Variants in TJP3 observed in about 807,000 individuals in gnomAD.
TJP3 encodes the protein tight junction protein ZO-3.
In TJP3, 85 loss-of-function variants were observed where a neutral mutation model predicts 104.2. The observed-to-expected ratio is 0.82, with a 90% CI of 0.68 to 0.98. TJP3 has a LOEUF of 0.98. TJP3 is among the 50% of genes least tolerant of loss of function. The pLI is 0.00. For missense variants in TJP3, 1,367 were observed against 1,322.8 expected (o/e 1.03, Z -0.52); for synonymous variants, 550 against 550.6 (o/e 1.00, Z 0.02).
chr19:3,740,322 C>T (rs1214681181), intron 13 of TJP3, among the ~76,000 whole-genome samples: 7 of 152,102 alleles, frequency 4.6e-5, no homozygotes, highest in Non-Finnish European at 1.0e-4. Context: ...GCAGGAGAAT[C>T]GCCTGAACCC....
chr19:3,728,531 C>G, intron 2 of TJP3, 51 bp downstream of exon 2: 1 of 1,598,480 alleles, frequency 6.3e-7, no homozygotes. Context: ...GCGGCTTAGG[C>G]CCAGCTCAAT....
At position 3,712,842 on chromosome 19, in the gene TJP3, A is replaced by G. The variant is rs115283945; in HGVS notation, c.-10+4281A>G. Among the ~76,000 whole-genome samples, 775 of 151,256 alleles carry G rather than the reference A, an allele frequency of 5.1e-3. 11 individuals carry two copies. Among genetic ancestry groups the G allele is most frequent in the African/African-American group, 0.018 (733 of 41,126 alleles). On this transcript the variant is annotated intron_variant, in intron 1 of 20. Transcript: ENST00000541714. ...CGTGCACCTGTGGCCCCAGCTACAC[A>G]GGAGGCTGGGGTGGGAGGATCGCTT...
At position 3,716,020 on chromosome 19, in the gene TJP3, C is replaced by T. The variant is rs541346687; in HGVS notation, c.-10+7459C>T. Among the ~76,000 whole-genome samples, 7 of 151,942 alleles carry T rather than the reference C, an allele frequency of 4.6e-5. No individual in the cohort carries two copies. In the East Asian group the frequency reaches 1.4e-3, roughly 30 times the overall value. On this transcript the variant is annotated intron_variant, in intron 1 of 20. Coordinates refer to ENST00000541714, the MANE Select transcript of TJP3 (RefSeq NM_001267560.2). ...TCTCGAACTCCTGACCTCACGTGAT[C>T]CACCCACCTCAGCCTCCCGAAGTGC... is the stretch of plus-strand genomic sequence containing the variant.
intron 5 of TJP3, 85 bp from the exon 6 acceptor site, chr19:3,731,850 G>A (rs1049734421): frequency 3.8e-5 from 42 of 1,105,980 alleles, no homozygotes; most frequent in Middle Eastern, 2.0e-4. Flanking sequence ...GGGAGGGCCC[G>A]CACCTGGACT....
Position 3,731,939 on chromosome 19 carries a change from T to G in TJP3, c.618T>G (p.Phe206Leu). 1.9e-6 allele frequency: 3 copies of G among 1,612,878 alleles called. No homozygotes were observed. The highest frequency in any genetic ancestry group is 1.7e-6 in the Non-Finnish European group (2 of 1,179,364). ...VLVKRRDSEE[F>L]GVKLGSQIFI... ...TTCCCTCCTCCCCCCTTACAGAGTT[T>G]GGCGTCAAGCTGGGCAGTCAGATCT... The change falls in exon 6 of 21, where the codon TTT (phenylalanine) becomes TTG (leucine). Residue 206 changes from phenylalanine to leucine, a missense_variant. Transcript: ENST00000541714.
chr19:3,732,729 G>A lies in TJP3; in HGVS notation c.717+691G>A, dbSNP rs994638145. 1.4e-4 allele frequency among the ~76,000 whole-genome samples: 21 copies of A among 152,076 alleles called. 1 individual carries two copies. Among genetic ancestry groups the A allele is most frequent in the African/African-American group, 5.1e-4 (21 of 41,488 alleles). On this transcript the variant is annotated intron_variant, in intron 6 of 20. Transcript: ENST00000541714. ...TCTCCATGTTGGCCAGGCTGGTCTCGAACTCCTGACCTCAGGTGATCCCCC... is the reference window on the plus strand; with the variant it reads ...TCTCCATGTTGGCCAGGCTGGTCTCAAACTCCTGACCTCAGGTGATCCCCC...
At chr19:3,724,160 C>T (rs1439424201) in intron 1 of TJP3, among the ~76,000 whole-genome samples, 1 of 151,774 alleles carries the variant, frequency 6.6e-6, no homozygotes, top group Admixed American at 6.6e-5. Flanking sequence ...TCGCCCCTCT[C>T]CCACTCTGGG....
intron 20 of TJP3, 106 bp downstream of exon 20, chr19:3,750,290 CT>C (rs1297359321): frequency 2.0e-5 from 29 of 1,484,506 alleles, no homozygotes; most frequent in Non-Finnish European, 2.7e-5. Context: ...TGCCCCTAGC[CT>C]AGTGGGGAAG....
intron 14 of TJP3, among the ~76,000 whole-genome samples, chr19:3,743,032 G>C (rs1454327503): frequency 6.6e-6 from 1 of 151,788 alleles, no homozygotes; most frequent in Non-Finnish European, 1.5e-5. Flanking sequence ...TTGGGAGGCC[G>C]AGGCGGGCGG....
chr19:3,741,312 T>C (rs1208239997), intron 14 of TJP3, among the ~76,000 whole-genome samples: 2 of 152,010 alleles, frequency 1.3e-5, no homozygotes, highest in African/African-American at 4.8e-5. Context: ...CTACATCAAA[T>C]TTAAAAAGAT....
chr19:3,722,861 G>T (rs1219374341), intron 1 of TJP3, among the ~76,000 whole-genome samples: 1 of 129,026 alleles, frequency 7.8e-6, no homozygotes, highest in Non-Finnish European at 1.6e-5. Flanking sequence ...GGTGGCGGGG[G>T]GGGGGGGCAC....
intron 1 of TJP3, among the ~76,000 whole-genome samples, chr19:3,716,780 CATATATAT>C (rs1255662392): frequency 1.9e-5 from 2 of 103,312 alleles, no homozygotes; most frequent in African/African-American, 7.6e-5. Flanking sequence ...CCAGCTCATA[CATATATAT>C]ATATATATAT....
In TJP3 at chr19:3,747,876, G is replaced by C; in HGVS notation, c.2405G>C (p.Arg802Pro). 6.2e-7 allele frequency: 1 copy of C among 1,612,976 alleles called. No individual in the cohort carries two copies. The highest frequency in any genetic ancestry group is 8.5e-7 in the Non-Finnish European group (1 of 1,179,914). Residue 802 changes from arginine to proline, a missense_variant, in exon 19 of 21, where the codon CGC (arginine) becomes CCC (proline). By Grantham distance (103) the Arg-to-Pro change is moderately radical. Transcript: ENST00000541714. ...DSSADLSCDS[R>P]VNSDYETDGE... ...TCCGCTGACCTCAGCTGCGACAGCC[G>C]CGTTAACAGCGACTACGAGACGGAC... is the stretch of plus-strand genomic sequence containing the variant.
intron 1 of TJP3, among the ~76,000 whole-genome samples, chr19:3,727,332 A>G (rs1470111263): frequency 2.0e-5 from 3 of 150,344 alleles, no homozygotes; most frequent in Admixed American, 6.6e-5. Context: ...AATTCAAAAA[A>G]ATTAGCTGGG....
At position 3,722,013 on chromosome 19, in the gene TJP3, C is replaced by G. The variant is rs940737626; in HGVS notation, c.-9-6411C>G. ...GGACCCAGGACCCCAGAACGCCTACCTACATAACAGGCAGGGAAACTGAGT... is the reference window on the plus strand; with the variant it reads ...GGACCCAGGACCCCAGAACGCCTACGTACATAACAGGCAGGGAAACTGAGT... On this transcript the variant is annotated intron_variant, in intron 1 of 20. Coordinates refer to ENST00000541714, the MANE Select transcript of TJP3 (RefSeq NM_001267560.2). 3 of 603,720 alleles carry G rather than the reference C, an allele frequency of 5.0e-6. No homozygotes were observed. The Admixed American group carries it at 1.3e-4, about 26-fold the overall frequency. 37.4% of individuals were successfully genotyped at this position (603,720 alleles called of 1,614,324 possible).
chr19:3,750,510 C>G (rs2036978952), intron 20 of TJP3, 72 bp from the exon 21 acceptor site: 1 of 1,325,470 alleles, frequency 7.5e-7, no homozygotes, highest in South Asian at 1.3e-5. Context: ...CTAGCACAGC[C>G]AGCCTCAGTT....
intron 8 of TJP3, 71 bp from the exon 9 acceptor site, chr19:3,735,495 G>C: frequency 6.7e-7 from 1 of 1,500,514 alleles, no homozygotes; most frequent in East Asian, 2.3e-5. Flanking sequence ...CACCGTGCCC[G>C]GCCTAAAATT....
chr19:3,731,926 C>T lies in TJP3; in HGVS notation c.614-9C>T. The T allele has an allele frequency of 6.2e-7, 1 of 1,611,728 alleles. No homozygotes were observed. Among genetic ancestry groups the T allele is most frequent in the South Asian group, 1.1e-5 (1 of 90,714 alleles). ...GTCCTGCCTCAGTTTCCCTCCTCCC[C>T]CCTTACAGAGTTTGGCGTCAAGCTG... On this transcript the variant is annotated splice_polypyrimidine_tract_variant and intron_variant, in intron 5 of 20. Transcript: ENST00000541714.
Position 3,730,656 on chromosome 19 carries a change from T to G in TJP3, c.563T>G (p.Val188Gly), listed in dbSNP as rs1599152273. 6.2e-7 allele frequency: 1 copy of G among 1,611,306 alleles called. No individual in the cohort carries two copies. The highest frequency in any genetic ancestry group is 8.5e-7 in the Non-Finnish European group (1 of 1,179,972). Residue 188 changes from valine to glycine, a missense_variant, in exon 5 of 21, where the codon GTG becomes GGG. Transcript: ENST00000541714. This position sits in a 1 kb window ranked among gnomAD's most constrained non-coding sequence, Gnocchi z 7.3. ...SGFKRLPRQDVQMKPVKSVLV... is the reference protein window; with the variant it reads ...SGFKRLPRQDGQMKPVKSVLV... ...TTTAAGCGGCTGCCACGGCAGGACG[T>G]GCAGATGAAGCCTGTGAAGTCAGTG...
Sources: gnomAD v4.1 joint callset for allele counts (sites outside exome capture counted in the v4.1 genomes callset) on GRCh38, gnomAD v4.1.1 for gene constraint, Gnocchi (gnomAD v3.1) non-coding constraint, MANE v1.5 for transcripts, NCBI Gene and HGNC (gene_info 2026-07-23, HGNC 2026-07-21) for gene names.